The following TSPAN12 variants were observed in gnomAD, a reference collection of about 807,000 sequenced individuals.
TSPAN12 encodes the protein tetraspanin-12.
TSPAN12 carries 19 observed loss-of-function variants against 39.2 expected under a neutral mutation model. The observed-to-expected ratio is 0.49, with a 90% CI of 0.34 to 0.71. TSPAN12 has a LOEUF of 0.71. TSPAN12 is among the 30% of genes least tolerant of loss of function. The pLI is 0.01. For missense variants in TSPAN12, 314 were observed against 359.9 expected, an observed-to-expected ratio of 0.87 and a Z score of 1.03; for synonymous variants, 119 against 124.8, an observed-to-expected ratio of 0.95 and a Z score of 0.31.
At chr7:120,834,551 C>T (rs1376141492) in intron 4 of TSPAN12, among the ~76,000 whole-genome samples, 1 of 152,064 alleles carries the variant, frequency 6.6e-6, no homozygotes, top group Non-Finnish European at 1.5e-5. Context: ...TTTACTTTTG[C>T]TTGAACAGCA....
intron 7 of TSPAN12, 92 bp downstream of exon 7, chr7:120,806,457 A>T: frequency 6.8e-7 from 1 of 1,469,748 alleles, no homozygotes; most frequent in Admixed American, 1.7e-5. Flanking sequence ...ATTTAGACAG[A>T]GAAGGAAAAT....
intron 2 of TSPAN12, among the ~76,000 whole-genome samples, chr7:120,847,806 C>G (rs77431091): frequency 6.6e-6 from 1 of 152,292 alleles, no homozygotes; most frequent in African/African-American, 2.4e-5. Flanking sequence ...TTTTATAGAA[C>G]ATAGATCAAG....
intron 4 of TSPAN12, among the ~76,000 whole-genome samples, chr7:120,827,864 C>T (rs1457282183): frequency 6.6e-6 from 1 of 152,198 alleles, no homozygotes; most frequent in Non-Finnish European, 1.5e-5. Flanking sequence ...AAAATCGCTG[C>T]AGCGTTCCAA....
rs916259632 is a variant in TSPAN12, at chr7:120,827,103, C to T, written c.286-11300G>A. On this transcript the variant is annotated intron_variant, in intron 4 of 7. Coordinates refer to ENST00000222747, the MANE Select transcript of TSPAN12 (RefSeq NM_012338.4). ...AAGTTTTAAAAGACGTTAGATTAGG[C>T]GAAAGAAAACTCGTACTATAATAGC... Among the ~76,000 whole-genome samples the T allele has an allele frequency of 4.0e-5, 6 of 150,950 alleles. No homozygotes were observed. In the South Asian group the frequency reaches 8.3e-4, roughly 21 times the overall value.
intron 4 of TSPAN12, among the ~76,000 whole-genome samples, chr7:120,834,416 G>A (rs1405280491): frequency 3.9e-5 from 6 of 152,164 alleles, no homozygotes; most frequent in Non-Finnish European, 4.4e-5. Flanking sequence ...CCAATAGGTG[G>A]CCTCTTAGCT....
chr7:120,836,187 G>A (rs935776166), intron 4 of TSPAN12, among the ~76,000 whole-genome samples: 8 of 152,188 alleles, frequency 5.3e-5, no homozygotes, highest in African/African-American at 1.9e-4. Flanking sequence ...ATGTGGGGAG[G>A]AAGCCAGAGA....
chr7:120,825,407 A>G (rs1049294323), intron 4 of TSPAN12, among the ~76,000 whole-genome samples: 1 of 152,124 alleles, frequency 6.6e-6, no homozygotes, highest in Non-Finnish European at 1.5e-5. Flanking sequence ...TCTCCCCCCA[A>G]CTAAAAGTTA....
At chr7:120,835,159 A>G (rs1794453700) in intron 4 of TSPAN12, among the ~76,000 whole-genome samples, 1 of 152,202 alleles carries the variant, frequency 6.6e-6, no homozygotes, top group Non-Finnish European at 1.5e-5. Flanking sequence ...GCTGATTATT[A>G]AAAAGAAAAG....
At chr7:120,805,246 A>G (rs1036864320) in intron 7 of TSPAN12, among the ~76,000 whole-genome samples, 1 of 152,110 alleles carries the variant, frequency 6.6e-6, no homozygotes, top group African/African-American at 2.4e-5. Flanking sequence ...ATATCTATGA[A>G]TATAATGGAT....
chr7:120,840,306 C>A (rs1794552972), intron 2 of TSPAN12, among the ~76,000 whole-genome samples, 197 bp from the exon 3 acceptor site: 1 of 152,166 alleles, frequency 6.6e-6, no homozygotes. Flanking sequence ...TGGAATACCA[C>A]CCAAATGGGA....
At chr7:120,837,564 G>T (rs536928584) in intron 4 of TSPAN12, among the ~76,000 whole-genome samples, 4 of 151,928 alleles carry the variant, frequency 2.6e-5, no homozygotes, top group Non-Finnish European at 4.4e-5. Flanking sequence ...TGCCTGCCTC[G>T]GCCTCCCAAA....
intron 5 of TSPAN12, among the ~76,000 whole-genome samples, chr7:120,810,838 G>T (rs1017823493): frequency 2.6e-5 from 4 of 152,118 alleles, no homozygotes. Context: ...TCACTTTAAT[G>T]CTCAAGGAAA....
At chr7:120,840,504 A>AG (rs11393441) in intron 2 of TSPAN12, among the ~76,000 whole-genome samples, 150,691 of 152,332 alleles carry the variant, frequency 0.99, 74,540 homozygotes, top group Middle Eastern at 1. Flanking sequence ...AAAAAGTCAC[A>AG]AGTTAATTTA....
chr7:120,854,879 G>T (rs1355094640), intron 2 of TSPAN12, among the ~76,000 whole-genome samples: 1 of 152,028 alleles, frequency 6.6e-6, no homozygotes. Context: ...AAATAGGGAA[G>T]CAATCTAAAT....
chr7:120,810,652 A>ACACG (rs776909218), intron 5 of TSPAN12, 82 bp from the exon 6 acceptor site: 2 of 783,632 alleles, frequency 2.6e-6, no homozygotes, highest in East Asian at 5.0e-5. Context: ...ACACACACAC[A>ACACG]CACGTACACA....
intron 2 of TSPAN12, among the ~76,000 whole-genome samples, chr7:120,846,531 T>G (rs575695518): frequency 1.9e-4 from 29 of 152,332 alleles, no homozygotes; most frequent in Middle Eastern, 6.8e-3. Context: ...AAAGTGTATA[T>G]CTTTTAAGTG....
chr7:120,799,564 A>C (rs1382988082), intron 7 of TSPAN12, among the ~76,000 whole-genome samples: 1 of 112,124 alleles, frequency 8.9e-6, no homozygotes, highest in Non-Finnish European at 1.8e-5. Flanking sequence ...AATTAAATAT[A>C]ATTATTTATA....
chr7:120,856,621 C>T, intron 2 of TSPAN12, 77 bp downstream of exon 2: 1 of 1,436,016 alleles, frequency 7.0e-7, no homozygotes, highest in Admixed American at 1.7e-5. Flanking sequence ...TAGCCATGCC[C>T]TTTGGCGCAT....
Position 120,815,785 on chromosome 7 carries a change from C to A in TSPAN12, c.304G>T (p.Val102Phe), listed in dbSNP as rs777946907. Reference sequence around the variant, plus strand: ...CAAGCCAGTTCTACACAGAAAATGACAAGCAAACTTCCAAAGTACTGTAGA... The same window carrying A: ...CAAGCCAGTTCTACACAGAAAATGAAAAGCAAACTTCCAAAGTACTGTAGA... ...LLAWYFGSLL[V>F]IFCVELACGV... Residue 102 changes from valine (V) to phenylalanine (F), a missense_variant, in exon 5 of 8, where the codon GTC becomes TTC. Coordinates refer to ENST00000222747, the MANE Select transcript of TSPAN12 (RefSeq NM_012338.4). 3 of 1,612,772 alleles carry A rather than the reference C, an allele frequency of 1.9e-6. No individual in the cohort carries two copies. Among genetic ancestry groups the A allele is most frequent in the Non-Finnish European group, 2.5e-6 (3 of 1,179,588 alleles).
Sources: allele counts gnomAD v4.1 joint callset (sites outside exome capture counted in the v4.1 genomes callset), GRCh38; gene constraint gnomAD v4.1.1; transcripts MANE v1.5; gene names NCBI Gene and HGNC (gene_info 2026-07-23, HGNC 2026-07-21).